The following PTPN2 variants were observed in gnomAD, a reference collection of about 807,000 sequenced individuals.
PTPN2 encodes the protein tyrosine-protein phosphatase non-receptor type 2.
In PTPN2, 19 loss-of-function variants were observed where a neutral mutation model predicts 57.3. That is an observed-to-expected ratio of 0.33 (90% CI 0.23 to 0.49). The LOEUF (loss-of-function observed/expected upper bound fraction) is 0.49. PTPN2 is among the 20% of genes least tolerant of loss of function. The probability of loss-of-function intolerance (pLI) is 0.99; values close to 1 mark genes in which losing one functional copy is unlikely to be tolerated. For synonymous variants in PTPN2, 153 were observed against 164.9 expected (o/e 0.93, Z 0.55); for missense variants, 358 against 501.1 (o/e 0.71, Z 2.73).
chr18:12,794,574 C>A, intron 8 of PTPN2, 89 bp from the exon 9 acceptor site: 1 of 1,450,418 alleles, frequency 6.9e-7, no homozygotes, highest in East Asian at 2.3e-5. Context: ...CAAATAAAAC[C>A]ATCCACATAG....
chr18:12,880,868 C>A (rs1262617989), intron 1 of PTPN2, among the ~76,000 whole-genome samples: 1 of 152,246 alleles, frequency 6.6e-6, no homozygotes, highest in Non-Finnish European at 1.5e-5. Context: ...GACCCTCTCT[C>A]CCGAACTCCA....
chr18:12,869,291 C>T lies in PTPN2; in HGVS notation c.70-10037G>A, dbSNP rs150521034. Among the ~76,000 whole-genome samples, 443 of 152,312 alleles carry T rather than the reference C, an allele frequency of 2.9e-3. 5 individuals are homozygous for T. Among genetic ancestry groups the T allele is most frequent in the African/African-American group, 0.01 (424 of 41,580 alleles). Reference sequence around the variant, plus strand: ...TCAGGGGCTCAAGTGATCCCCCCACCTCAGCCTCCCAAGTAGGTGGGACTG... The same window carrying T: ...TCAGGGGCTCAAGTGATCCCCCCACTTCAGCCTCCCAAGTAGGTGGGACTG... On this transcript the variant is annotated intron_variant, in intron 1 of 8. Transcript: ENST00000309660.
intron 4 of PTPN2, among the ~76,000 whole-genome samples, chr18:12,827,531 C>T (rs1013794891): frequency 8.6e-5 from 13 of 151,552 alleles, no homozygotes; most frequent in African/African-American, 2.9e-4. Context: ...ACTCCAGGTG[C>T]GTGCCACCAC....
In PTPN2 at chr18:12,817,335, G is replaced by C; in HGVS notation, c.526C>G (p.His176Asp). The C allele has an allele frequency of 6.2e-7, 1 of 1,613,824 alleles. No homozygotes were observed. Among genetic ancestry groups the C allele is most frequent in the Non-Finnish European group, 8.5e-7 (1 of 1,179,744 alleles). The part of the protein sequence containing the change: ...SGETRTISHF[H>D]YTTWPDFGVP... Reference sequence around the variant, plus strand: ...CCAAAATCTGGCCAGGTAGTATAATGAAAGTGAGATATTGTTCTGGTTTCA... The same window carrying C: ...CCAAAATCTGGCCAGGTAGTATAATCAAAGTGAGATATTGTTCTGGTTTCA... Residue 176 changes from histidine to aspartate, a missense_variant, in exon 6 of 9, where the codon CAT becomes GAT. His to Asp is a moderately conservative substitution (Grantham distance 81). Around this residue, in one of 4 missense-constraint regions of PTPN2, gnomAD observed 193 missense variants for 315.4 expected, o/e 0.61. Transcript: ENST00000309660.
intron 8 of PTPN2, among the ~76,000 whole-genome samples, chr18:12,798,802 TTC>T (rs1380484725): frequency 6.6e-6 from 1 of 152,228 alleles, no homozygotes; most frequent in Non-Finnish European, 1.5e-5. Flanking sequence ...TGAATGGTAT[TTC>T]TGTTTTTAGG....
intron 1 of PTPN2, among the ~76,000 whole-genome samples, chr18:12,876,753 G>C (rs936410288): frequency 6.6e-6 from 1 of 152,132 alleles, no homozygotes; most frequent in African/African-American, 2.4e-5. Context: ...CGAAATACCT[G>C]GGAACACACG....
At chr18:12,847,252 C>A (rs569114316) in intron 2 of PTPN2, among the ~76,000 whole-genome samples, 27 of 152,156 alleles carry the variant, frequency 1.8e-4, no homozygotes, top group African/African-American at 6.5e-4. Context: ...CCACCCTCTG[C>A]GTGAATACCT....
At chr18:12,880,892 A>C (rs1277987597) in intron 1 of PTPN2, among the ~76,000 whole-genome samples, 1 of 152,214 alleles carries the variant, frequency 6.6e-6, no homozygotes, top group South Asian at 2.1e-4. Flanking sequence ...TTATACATTC[A>C]ACTAGCTTCA....
intron 7 of PTPN2, among the ~76,000 whole-genome samples, chr18:12,806,034 GTC>G (rs774082624): frequency 6.6e-6 from 1 of 152,008 alleles, no homozygotes; most frequent in Non-Finnish European, 1.5e-5. Context: ...AAGTCAAATT[GTC>G]TCTGTTTGCA....
intron 6 of PTPN2, among the ~76,000 whole-genome samples, chr18:12,814,976 T>C (rs1014115404): frequency 7.2e-5 from 11 of 151,754 alleles, no homozygotes; most frequent in African/African-American, 1.7e-4. Flanking sequence ...CCCAGCTACA[T>C]TGGAGGCTGA....
downstream of PTPN2, among the ~76,000 whole-genome samples, chr18:12,791,326 A>G (rs974876558): frequency 6.6e-6 from 1 of 152,180 alleles, no homozygotes; most frequent in Admixed American, 6.5e-5. Context: ...TTTTTTTTAT[A>G]ATTTTTTCTT....
intron 2 of PTPN2, among the ~76,000 whole-genome samples, chr18:12,846,623 C>T (rs1324437147): frequency 6.6e-6 from 1 of 152,194 alleles, no homozygotes; most frequent in African/African-American, 2.4e-5. Context: ...TACACTTTCC[C>T]TGTCGCAGAC....
At chr18:12,788,832 G>T (rs1347146160), downstream of PTPN2, among the ~76,000 whole-genome samples, 2 of 152,080 alleles carry the variant, frequency 1.3e-5, no homozygotes, top group African/African-American at 4.8e-5. Context: ...GTACAGCATT[G>T]CTCAATGCTG....
chr18:12,792,274 T>C lies in PTPN2; in HGVS notation c.*2004A>G. 1 of 939,752 alleles carries C rather than the reference T, an allele frequency of 1.1e-6. No homozygotes were observed. Among genetic ancestry groups the C allele is most frequent in the Non-Finnish European group, 1.3e-6 (1 of 791,710 alleles). The allele number at this position is 939,752 out of a possible 1,614,324, so 58.2% of individuals were successfully genotyped here. A position where few individuals can be genotyped will look rare whatever the true frequency, so the allele number is the denominator to read the frequency against. ...TCAAAATATCTATCTATACCAATGG[T>C]TTTCAAACTTTTTTTTTTTTTTTTT... is the stretch of plus-strand genomic sequence containing the variant. On this transcript the variant is annotated 3_prime_UTR_variant, in exon 9 of 9. Transcript: ENST00000309660.
intron 2 of PTPN2, chr18:12,839,463 G>C (rs951215271): frequency 6.6e-6 from 1 of 152,072 alleles, no homozygotes; most frequent in African/African-American, 2.4e-5. Flanking sequence ...CATAACCTTT[G>C]GGCTGTATAA....
chr18:12,819,367 T>A, intron 5 of PTPN2: 1 of 645,778 alleles, frequency 1.5e-6, no homozygotes, highest in South Asian at 2.2e-5. Flanking sequence ...AAATTAATTA[T>A]GGTAAGTGAA....
intron 7 of PTPN2, among the ~76,000 whole-genome samples, chr18:12,807,586 AATAT>A (rs1339941310): frequency 3.4e-4 from 12 of 35,196 alleles, no homozygotes; most frequent in African/African-American, 5.6e-4. Context: ...AAAAAAAAAA[AATAT>A]ATATATATAT....
intron 2 of PTPN2, among the ~76,000 whole-genome samples, chr18:12,856,878 G>A (rs2043606681): frequency 6.6e-6 from 1 of 151,732 alleles, no homozygotes. Context: ...TGGCCAACAT[G>A]GTGCAACTCC....
chr18:12,857,730 G>A (rs1428804581), intron 2 of PTPN2, among the ~76,000 whole-genome samples: 2 of 152,110 alleles, frequency 1.3e-5, no homozygotes, highest in African/African-American at 2.4e-5. Flanking sequence ...AACTGCCACC[G>A]TGATGAGCCA....
Sources: gnomAD v4.1 joint callset for allele counts (sites outside exome capture counted in the v4.1 genomes callset) on GRCh38, gnomAD v4.1.1 for gene constraint, gnomAD v4.1.1 regional missense constraint, MANE v1.5 for transcripts, NCBI Gene and HGNC (gene_info 2026-07-23, HGNC 2026-07-21) for gene names.